Variants in ADK observed in about 807,000 individuals in gnomAD.
The protein encoded by ADK is N6,N6-dimethyladenosine kinase.
In ADK, 24 loss-of-function variants were observed where a neutral mutation model predicts 44.7. That is an observed-to-expected ratio of 0.54 (90% CI 0.39 to 0.76). The LOEUF (loss-of-function observed/expected upper bound fraction) is 0.76, where lower values mean the gene tolerates loss of function less well. ADK is among the 30% of genes least tolerant of loss of function. The pLI, the probability that ADK is intolerant of heterozygous loss-of-function variation, is 0.00. For synonymous variants in ADK, 128 were observed against 142.6 expected (o/e 0.90, Z 0.73); for missense variants, 321 against 425.1 (o/e 0.76, Z 2.15).
At chr10:74,454,904 A>C (rs76006916) in intron 6 of ADK, among the ~76,000 whole-genome samples, 1 of 152,170 alleles carries the variant, frequency 6.6e-6, no homozygotes, top group Admixed American at 6.5e-5. Context: ...TACCATTCAC[A>C]TAAGGGTCTT....
chr10:74,600,927 A>G (rs917139659), intron 9 of ADK, among the ~76,000 whole-genome samples: 1 of 151,860 alleles, frequency 6.6e-6, no homozygotes, highest in Non-Finnish European at 1.5e-5. Context: ...CATCTATTTT[A>G]TAGCACTCAT....
intron 1 of ADK, among the ~76,000 whole-genome samples, chr10:74,173,434 T>TC (rs1842227806): frequency 6.7e-6 from 1 of 150,266 alleles, no homozygotes; most frequent in African/African-American, 2.5e-5. Flanking sequence ...TTTCTTTCTT[T>TC]TTTTTTTTCT....
chr10:74,162,885 G>A (rs981508640), intron 1 of ADK, among the ~76,000 whole-genome samples: 4 of 151,932 alleles, frequency 2.6e-5, no homozygotes, highest in Non-Finnish European at 4.4e-5. Flanking sequence ...TAGTGAGCTC[G>A]ATTATAATAG....
At chr10:74,497,918 C>T (rs1847749644) in intron 6 of ADK, among the ~76,000 whole-genome samples, 1 of 151,072 alleles carries the variant, frequency 6.6e-6, no homozygotes, top group Admixed American at 6.6e-5. Context: ...GAGACGGAGT[C>T]TCACTCTGTC....
At chr10:74,277,766 A>G (rs1027752272) in intron 3 of ADK, among the ~76,000 whole-genome samples, 2 of 152,140 alleles carry the variant, frequency 1.3e-5, no homozygotes, top group African/African-American at 4.8e-5. Context: ...ACGGGTTTTT[A>G]AAAAGCTATT....
At chr10:74,296,316 A>G (rs1038127861) in intron 3 of ADK, among the ~76,000 whole-genome samples, 3 of 152,178 alleles carry the variant, frequency 2.0e-5, no homozygotes, top group African/African-American at 4.8e-5. Flanking sequence ...CTAAAAGTCA[A>G]TAAGAAGGAA....
intron 9 of ADK, among the ~76,000 whole-genome samples, chr10:74,613,730 GAA>G (rs1393580235): frequency 2.1e-4 from 32 of 152,174 alleles, no homozygotes; most frequent in African/African-American, 7.5e-4. Flanking sequence ...GTAAAGTTCA[GAA>G]AATGTGCGTT....
At chr10:74,591,855 T>C (rs1242722425) in intron 8 of ADK, among the ~76,000 whole-genome samples, 1 of 152,156 alleles carries the variant, frequency 6.6e-6, no homozygotes, top group Non-Finnish European at 1.5e-5. Context: ...CATTTTCTCC[T>C]ATAAATCCCA....
At position 74,388,159 on chromosome 10, in the gene ADK, G is replaced by A. The variant is rs75003454; in HGVS notation, c.274-5982G>A. On this transcript the variant is annotated intron_variant, in intron 4 of 10. Coordinates refer to ENST00000539909, the MANE Select transcript of ADK (RefSeq NM_006721.4). ...CAACCTCAGGTGATCTGCCTGCCTC[G>A]GCTTCCCAAAGTGTCGGGATTACAG... Among the ~76,000 whole-genome samples, 15 of 152,166 alleles carry A rather than the reference G, an allele frequency of 9.9e-5. No individual in the cohort carries two copies. In the East Asian group the frequency reaches 1.9e-3, roughly 20 times the overall value.
intron 1 of ADK, chr10:74,176,948 G>C: frequency 6.3e-7 from 1 of 1,599,554 alleles, no homozygotes; most frequent in Admixed American, 1.7e-5. Context: ...GAGCGCGTGA[G>C]CACTGTCGCT....
At chr10:74,527,499 G>C in intron 7 of ADK, 1 of 595,394 alleles carries the variant, frequency 1.7e-6, no homozygotes. Context: ...TAATTAAGGA[G>C]AGAATGTGGA....
chr10:74,688,777 C>G (rs1254088116), intron 10 of ADK, among the ~76,000 whole-genome samples: 1 of 152,064 alleles, frequency 6.6e-6, no homozygotes, highest in Non-Finnish European at 1.5e-5. Context: ...TTAGCCAGAC[C>G]TGGTGGCAAA....
At chr10:74,374,570 G>T (rs552099374) in intron 4 of ADK, among the ~76,000 whole-genome samples, 1 of 152,078 alleles carries the variant, frequency 6.6e-6, no homozygotes, top group East Asian at 1.9e-4. Context: ...CCCATTTTTT[G>T]ATTAGTTTTC....
rs1213471042 is a variant in ADK, at chr10:74,581,915, G to A, written c.727-7367G>A. ...GCAGGAGACCATTCAGAAAGCCTCAGATCTAAATGCTGCCTGTAACAATTA... is the reference window on the plus strand; with the variant it reads ...GCAGGAGACCATTCAGAAAGCCTCAAATCTAAATGCTGCCTGTAACAATTA... On this transcript the variant is annotated intron_variant, in intron 7 of 10. Transcript: ENST00000539909. Among the ~76,000 whole-genome samples, 4 of 152,162 alleles carry A rather than the reference G, an allele frequency of 2.6e-5. 1 individual carries two copies. The highest frequency in any genetic ancestry group is 9.7e-5 in the African/African-American group (4 of 41,440).
intron 3 of ADK, among the ~76,000 whole-genome samples, chr10:74,307,126 G>A (rs1592022160): frequency 2.6e-5 from 4 of 152,062 alleles, no homozygotes; most frequent in East Asian, 3.9e-4. Flanking sequence ...AATGTGCCAC[G>A]GATCCTTATT....
intron 3 of ADK, among the ~76,000 whole-genome samples, chr10:74,299,663 C>G (rs1356761074): frequency 6.6e-6 from 1 of 151,196 alleles, no homozygotes; most frequent in Non-Finnish European, 1.5e-5. Context: ...TTGGAGAAAT[C>G]TACAAAGTTT....
intron 3 of ADK, among the ~76,000 whole-genome samples, chr10:74,230,722 G>A (rs897912831): frequency 3.4e-5 from 5 of 147,482 alleles, no homozygotes; most frequent in Non-Finnish European, 7.4e-5. Flanking sequence ...TCACTCTGTT[G>A]CCAGGCTGGA....
At chr10:74,157,944 G>A (rs1841798977) in intron 1 of ADK, among the ~76,000 whole-genome samples, 1 of 152,058 alleles carries the variant, frequency 6.6e-6, no homozygotes, top group Non-Finnish European at 1.5e-5. Context: ...GAAATAATGT[G>A]AATGGTGGAG....
intron 4 of ADK, among the ~76,000 whole-genome samples, chr10:74,320,917 A>G (rs1840785745): frequency 6.6e-6 from 1 of 152,232 alleles, no homozygotes; most frequent in African/African-American, 2.4e-5. Context: ...AAATACAGTT[A>G]TCAGTAAATG....
Sources: allele counts gnomAD v4.1 joint callset (sites outside exome capture counted in the v4.1 genomes callset), GRCh38; gene constraint gnomAD v4.1.1; transcripts MANE v1.5; gene names NCBI Gene and HGNC (gene_info 2026-07-23, HGNC 2026-07-21).